Variants in ORC5 observed in about 807,000 individuals in gnomAD.
ORC5 encodes protein phosphatase 1, regulatory subunit 117.
In ORC5, 39 loss-of-function variants were observed where a neutral mutation model predicts 58.8. The observed-to-expected ratio is 0.66, with a 90% CI of 0.51 to 0.87. ORC5 has a LOEUF of 0.87. Among genes scored for constraint, ORC5 ranks in the 40% least tolerant of loss-of-function variants. ORC5 has a pLI of 0.00. For synonymous variants in ORC5, 218 were observed against 177.6 expected, an observed-to-expected ratio of 1.23 and a Z score of -1.81; for missense variants, 493 against 506.3, an observed-to-expected ratio of 0.97 and a Z score of 0.25.
intron 12 of ORC5, among the ~76,000 whole-genome samples, chr7:104,155,891 A>G (rs1269289755): frequency 6.6e-6 from 1 of 151,686 alleles, no homozygotes; most frequent in East Asian, 1.9e-4. Flanking sequence ...TTCTTTTAAG[A>G]AAAAAAGAAT....
chr7:104,188,422 G>A (rs1009719290), intron 5 of ORC5, 41 bp from the exon 6 acceptor site: 12 of 1,507,678 alleles, frequency 8.0e-6, no homozygotes, highest in South Asian at 3.7e-5. Context: ...GATTAACATA[G>A]TACACTAATC....
intron 8 of ORC5, among the ~76,000 whole-genome samples, chr7:104,172,130 T>C (rs1367586158): frequency 6.6e-6 from 1 of 152,202 alleles, no homozygotes; most frequent in Admixed American, 6.5e-5. Flanking sequence ...TACTGGTATA[T>C]AAAATGAAGC....
In ORC5 at chr7:104,200,848, A is replaced by T. The variant is rs764566132; in HGVS notation, c.276T>A (p.Thr92=). The T allele has an allele frequency of 5.0e-6, 8 of 1,612,644 alleles. No individual in the cohort carries two copies. In the East Asian group the frequency reaches 1.8e-4, roughly 36 times the overall value. The change falls in exon 3 of 14, where the codon ACT becomes ACA. Residue 92 remains threonine (T), a synonymous_variant. Transcript: ENST00000297431. ...HLSSSEDGCS[T]EITCETFNDF... is the part of the protein sequence containing the mutation. The stretch of plus-strand genomic sequence containing the variant: ...CATTAAATGTTTCACAGGTTATTTC[A>T]GTAGAACATCCATCCTCTGAAGAAC...
chr7:104,156,952 A>G (rs1798937569), intron 12 of ORC5, among the ~76,000 whole-genome samples: 1 of 151,978 alleles, frequency 6.6e-6, no homozygotes, highest in Admixed American at 6.6e-5. Context: ...TCTTAAAGCC[A>G]GAATGCAAAA....
At chr7:104,158,609 T>G (rs1359434408) in intron 12 of ORC5, among the ~76,000 whole-genome samples, 4 of 151,760 alleles carry the variant, frequency 2.6e-5, no homozygotes, top group Non-Finnish European at 4.4e-5. Flanking sequence ...GAATCTACAA[T>G]GAACTCAAAC....
intron 12 of ORC5, among the ~76,000 whole-genome samples, 153 bp downstream of exon 12, chr7:104,160,919 G>A (rs1054727958): frequency 2.6e-5 from 4 of 152,000 alleles, no homozygotes; most frequent in Non-Finnish European, 5.9e-5. Context: ...TTCTATATAC[G>A]TAATTTTCAA....
At chr7:104,179,903 CT>C (rs1263385730) in intron 8 of ORC5, among the ~76,000 whole-genome samples, 1 of 152,156 alleles carries the variant, frequency 6.6e-6, no homozygotes, top group Non-Finnish European at 1.5e-5. Context: ...TCTCTTTTAA[CT>C]TTTTCATCAG....
chr7:104,183,919 T>C, intron 8 of ORC5, 24 bp downstream of exon 8: 1 of 1,420,644 alleles, frequency 7.0e-7, no homozygotes, highest in Non-Finnish European at 9.9e-7. Context: ...TAAAAACTAG[T>C]ATGCATACTA....
intron 3 of ORC5, among the ~76,000 whole-genome samples, chr7:104,199,721 A>G (rs1053795539): frequency 5.3e-5 from 8 of 152,192 alleles, no homozygotes; most frequent in Non-Finnish European, 8.8e-5. Flanking sequence ...CTTTTGGGCT[A>G]ATTAAGCTGG....
At chr7:104,205,084 C>CTTTTTTTTTTTTTTTTT (rs769195880) in intron 1 of ORC5, among the ~76,000 whole-genome samples, 1 of 102,354 alleles carries the variant, frequency 9.8e-6, no homozygotes, top group African/African-American at 3.4e-5. Context: ...TTTAATAATA[C>CTTTTTTTTTTTTTTTTT]TCTTTTTTTT....
intron 12 of ORC5, among the ~76,000 whole-genome samples, chr7:104,148,123 T>A (rs912133173): frequency 1.2e-4 from 18 of 152,284 alleles, no homozygotes; most frequent in African/African-American, 4.3e-4. Context: ...ACATTGTGCA[T>A]CCTCAATTCT....
chr7:104,161,312 C>T, intron 11 of ORC5, 130 bp from the exon 12 acceptor site: 1 of 566,036 alleles, frequency 1.8e-6, no homozygotes. Context: ...ACAAATCTAA[C>T]CTGCAAACTC....
At position 104,136,751 on chromosome 7, in the gene ORC5, T is replaced by C. The variant is rs1388198695; in HGVS notation, c.1262+30A>G. 2 of 1,340,002 alleles carry C rather than the reference T, an allele frequency of 1.5e-6. No homozygotes were observed. The highest frequency in any genetic ancestry group is 3.4e-5 in the Admixed American group (2 of 59,324). The allele number at this position is 1,340,002 out of a possible 1,614,324, so 83.0% of individuals were successfully genotyped here. A position where few individuals can be genotyped will look rare whatever the true frequency, so the allele number is the denominator to read the frequency against. ...GGAAAACACTAATTTTTATATTTAG[T>C]ATATCATTACATAATTCAAGACATT... On this transcript the variant is annotated intron_variant, in intron 13 of 13. Coordinates refer to ENST00000297431, the MANE Select transcript of ORC5 (RefSeq NM_002553.4). The surrounding 1 kb of genome is among the most constrained non-coding windows in gnomAD (Gnocchi z 4.2).
intron 12 of ORC5, among the ~76,000 whole-genome samples, chr7:104,137,269 C>CAA (rs58837683): frequency 7.5e-6 from 1 of 132,624 alleles, no homozygotes. Context: ...AATGTGCCTA[C>CAA]AAAAAAAAAA....
chr7:104,127,584 A>C (rs1263323103), intron 13 of ORC5, among the ~76,000 whole-genome samples: 1 of 152,222 alleles, frequency 6.6e-6, no homozygotes, highest in Non-Finnish European at 1.5e-5. Flanking sequence ...AAATAATTGG[A>C]TATAATGATC....
intron 12 of ORC5, among the ~76,000 whole-genome samples, chr7:104,143,928 G>A (rs1464632622): frequency 6.6e-6 from 1 of 152,060 alleles, no homozygotes; most frequent in Non-Finnish European, 1.5e-5. Context: ...AGATCAGCCT[G>A]GCCAACATGG....
At chr7:104,160,087 C>T (rs1798998045) in intron 12 of ORC5, among the ~76,000 whole-genome samples, 1 of 152,092 alleles carries the variant, frequency 6.6e-6, no homozygotes, top group African/African-American at 2.4e-5. Flanking sequence ...AGCCTAGTAA[C>T]TGAGTGAACT....
intron 12 of ORC5, among the ~76,000 whole-genome samples, chr7:104,139,044 G>A (rs1798633023): frequency 1.3e-5 from 2 of 152,142 alleles, no homozygotes; most frequent in East Asian, 1.9e-4. Flanking sequence ...TCTCCCATAA[G>A]CCAGCAGGAA....
At chr7:104,135,480 CG>C (rs557539159) in intron 13 of ORC5, among the ~76,000 whole-genome samples, 109 of 152,170 alleles carry the variant, frequency 7.2e-4, no homozygotes, top group Admixed American at 1.8e-3. Context: ...TTTATAGAGA[CG>C]GGGGTCTCAC....
Sources: gnomAD v4.1 joint callset for allele counts (sites outside exome capture counted in the v4.1 genomes callset) on GRCh38, gnomAD v4.1.1 for gene constraint, Gnocchi (gnomAD v3.1) non-coding constraint, MANE v1.5 for transcripts, NCBI Gene and HGNC (gene_info 2026-07-23, HGNC 2026-07-21) for gene names.